Variants in MAGI2 observed in about 807,000 individuals in gnomAD.
MAGI2 encodes membrane associated guanylate kinase, WW and PDZ domain containing 2.
Under a neutral mutation model 133.3 loss-of-function variants are expected in MAGI2, and 35 were observed. That is an observed-to-expected ratio of 0.26 (90% CI 0.20 to 0.35). The LOEUF is 0.35. Among genes scored for constraint, MAGI2 ranks in the 10% least tolerant of loss-of-function variants. MAGI2 has a pLI of 1.00. For synonymous variants in MAGI2, 729 were observed against 710.6 expected, an observed-to-expected ratio of 1.03 and a Z score of -0.41; for missense variants, 1,636 against 1,863.4, an observed-to-expected ratio of 0.88 and a Z score of 2.25.
chr7:79,383,612 A>G (rs1196314019), intron 1 of MAGI2, among the ~76,000 whole-genome samples: 2 of 151,608 alleles, frequency 1.3e-5, no homozygotes, highest in African/African-American at 4.8e-5. Flanking sequence ...CAAATTCAAA[A>G]TTGTATTTAT....
At chr7:78,952,984 G>T (rs1023047502) in intron 2 of MAGI2, among the ~76,000 whole-genome samples, 6 of 152,104 alleles carry the variant, frequency 3.9e-5, no homozygotes, top group African/African-American at 1.2e-4. Context: ...TGAAATATTT[G>T]TTAAAAATGG....
chr7:79,177,390 T>C (rs1826194998), intron 1 of MAGI2, among the ~76,000 whole-genome samples: 1 of 152,090 alleles, frequency 6.6e-6, no homozygotes, highest in African/African-American at 2.4e-5. Context: ...ATTTTATGTA[T>C]ATTATCCACA....
intron 3 of MAGI2, among the ~76,000 whole-genome samples, chr7:78,536,390 G>T (rs1305274615): frequency 1.3e-5 from 2 of 151,994 alleles, no homozygotes; most frequent in African/African-American, 4.8e-5. Context: ...GGGATTACAG[G>T]CGTGAGCCAC....
chr7:78,059,361 A>G (rs1812982366), intron 21 of MAGI2, among the ~76,000 whole-genome samples: 1 of 152,232 alleles, frequency 6.6e-6, no homozygotes, highest in South Asian at 2.1e-4. Flanking sequence ...GGCAGTGTCA[A>G]TATGATGCTT....
intron 5 of MAGI2, among the ~76,000 whole-genome samples, chr7:78,496,858 C>A (rs1161320652): frequency 3.3e-5 from 5 of 152,078 alleles, no homozygotes; most frequent in African/African-American, 4.8e-5. Flanking sequence ...CTACTGTATT[C>A]TCAGGGTTTA....
intron 9 of MAGI2, among the ~76,000 whole-genome samples, chr7:78,274,570 G>T (rs555542068): frequency 6.6e-6 from 1 of 152,202 alleles, no homozygotes; most frequent in South Asian, 2.1e-4. Flanking sequence ...TCTGTCCCAG[G>T]GAGATGGGGG....
chr7:78,609,091 C>T lies in MAGI2; in HGVS notation c.538+18029G>A, dbSNP rs142692010. Among the ~76,000 whole-genome samples, 35 of 152,234 alleles carry T rather than the reference C, an allele frequency of 2.3e-4. No individual in the cohort carries two copies. The East Asian group carries it at 5.8e-3, about 25-fold the overall frequency. On this transcript the variant is annotated intron_variant, in intron 3 of 21. Coordinates refer to ENST00000354212, the MANE Select transcript of MAGI2 (RefSeq NM_012301.4). ...AGGCTAGGCCAGTCTTACATTTTCA[C>T]GTTTTTCTGCCTACTTTATATTCAC...
intron 11 of MAGI2, among the ~76,000 whole-genome samples, chr7:78,196,357 T>C (rs1828736007): frequency 2.6e-5 from 4 of 152,116 alleles, no homozygotes; most frequent in Admixed American, 2.0e-4. Context: ...GGCTGCGTCT[T>C]TCTACTTGTT....
At chr7:78,410,053 T>C (rs1484718710) in intron 6 of MAGI2, among the ~76,000 whole-genome samples, 8 of 152,072 alleles carry the variant, frequency 5.3e-5, no homozygotes, top group African/African-American at 1.9e-4. Flanking sequence ...GAAGGAAAGC[T>C]GATGGTCTCA....
chr7:78,919,033 C>T (rs17151674), intron 2 of MAGI2, among the ~76,000 whole-genome samples: 40,088 of 151,918 alleles, frequency 0.26, 5,704 homozygotes, highest in Middle Eastern at 0.37. Context: ...TTTTAAGAAA[C>T]TTTGTTTGGA....
intron 16 of MAGI2, among the ~76,000 whole-genome samples, chr7:78,151,352 G>C: frequency 6.6e-6 from 1 of 151,980 alleles, no homozygotes; most frequent in East Asian, 1.9e-4. Context: ...TTTTTCTAAG[G>C]AGTCTGGGAT....
At chr7:79,356,503 T>A (rs981264142) in intron 1 of MAGI2, among the ~76,000 whole-genome samples, 3 of 152,162 alleles carry the variant, frequency 2.0e-5, no homozygotes, top group Admixed American at 1.3e-4. Flanking sequence ...TGTTTCCTAT[T>A]TACAGCATTA....
At chr7:78,336,220 A>G (rs1416293361) in intron 9 of MAGI2, among the ~76,000 whole-genome samples, 1 of 152,180 alleles carries the variant, frequency 6.6e-6, no homozygotes, top group Non-Finnish European at 1.5e-5. Context: ...ATATATATAC[A>G]CACATGCTTA....
At chr7:78,378,106 A>T (rs538796149) in intron 6 of MAGI2, among the ~76,000 whole-genome samples, 5 of 152,208 alleles carry the variant, frequency 3.3e-5, no homozygotes, top group East Asian at 1.9e-4. Context: ...AATAAAATTT[A>T]AAAAAATCTG....
At chr7:78,415,335 A>C (rs1349226332) in intron 6 of MAGI2, among the ~76,000 whole-genome samples, 1 of 152,096 alleles carries the variant, frequency 6.6e-6, no homozygotes, top group Non-Finnish European at 1.5e-5. Flanking sequence ...AAGGCATCAA[A>C]ATAGGACAGT....
At chr7:79,314,269 T>C (rs12666813) in intron 1 of MAGI2, among the ~76,000 whole-genome samples, 24,582 of 151,828 alleles carry the variant, frequency 0.16, 2,259 homozygotes, top group East Asian at 0.34. Context: ...CCACCCTTCT[T>C]GGCCTTATTT....
At chr7:78,625,338 T>C (rs1808232574) in intron 3 of MAGI2, among the ~76,000 whole-genome samples, 1 of 151,698 alleles carries the variant, frequency 6.6e-6, no homozygotes, top group African/African-American at 2.4e-5. Context: ...AATTATAAAA[T>C]TAAAACAATT....
In MAGI2 at chr7:78,458,889, T is replaced by C. The variant is rs377186677; in HGVS notation, c.1045+30872A>G. Among the ~76,000 whole-genome samples the C allele has an allele frequency of 2.0e-5, 3 of 152,134 alleles. No individual in the cohort carries two copies. In the South Asian group the frequency reaches 6.2e-4, roughly 32 times the overall value. ...GACCTCGTGATCCGCCCGCCTTGGC[T>C]TCCCAAAGTGTTGGGATTACAGGCG... is the stretch of plus-strand genomic sequence containing the variant. On this transcript the variant is annotated intron_variant, in intron 6 of 21. Coordinates refer to ENST00000354212, the MANE Select transcript of MAGI2 (RefSeq NM_012301.4).
intron 20 of MAGI2, among the ~76,000 whole-genome samples, chr7:78,101,868 C>T (rs138793908): frequency 6.6e-5 from 10 of 152,152 alleles, no homozygotes; most frequent in South Asian, 4.1e-4. Flanking sequence ...GGATATATAT[C>T]GGAAGGAAAT....
Sources: allele counts gnomAD v4.1 joint callset (sites outside exome capture counted in the v4.1 genomes callset), GRCh38; gene constraint gnomAD v4.1.1; transcripts MANE v1.5; gene names NCBI Gene and HGNC (gene_info 2026-07-23, HGNC 2026-07-21).